ZMYND11: variants seen among roughly 807,000 people sequenced by gnomAD.
ZMYND11 encodes the protein zinc finger MYND-type containing 11.
Under a neutral mutation model 84.9 loss-of-function variants are expected in ZMYND11, and 9 were observed. The observed-to-expected ratio is 0.11, with a 90% CI of 0.06 to 0.18. The LOEUF (loss-of-function observed/expected upper bound fraction) is 0.18. Among genes scored for constraint, ZMYND11 ranks in the 10% least tolerant of loss-of-function variants. ZMYND11 has a pLI of 1.00. For synonymous variants in ZMYND11, 250 were observed against 244.1 expected (o/e 1.02, Z -0.23); for missense variants, 409 against 761.0 (o/e 0.54, Z 5.44).
At chr10:198,053 TTAA>T (rs1268614353) in intron 2 of ZMYND11, 6 of 550,020 alleles carry the variant, frequency 1.1e-5, no homozygotes, top group Non-Finnish European at 2.0e-5. Context: ...TAGGTCTAAT[TTAA>T]TAATGTAAAA....
Position 144,138 on chromosome 10 carries a change from A to G in ZMYND11, c.-20+8579A>G, listed in dbSNP as rs1285707337. 2.0e-5 allele frequency among the ~76,000 whole-genome samples: 3 copies of G among 152,220 alleles called. 1 individual carries two copies. On this transcript the variant is annotated intron_variant, in intron 1 of 14. Coordinates refer to ENST00000381604, the MANE Select transcript of ZMYND11 (RefSeq NM_001370100.5). ...TAAAAGCTGAACAGCCAGCAGTACA[A>G]TTTAAAGTTAGACTTTCTCTCTGCT...
chr10:238,519 C>T (rs1019455153), intron 6 of ZMYND11, among the ~76,000 whole-genome samples: 5 of 152,028 alleles, frequency 3.3e-5, no homozygotes, highest in African/African-American at 7.2e-5. Context: ...ACCACGCCCA[C>T]CTAATTTTTT....
chr10:178,478 C>T (rs1162453256), intron 1 of ZMYND11, among the ~76,000 whole-genome samples: 5 of 152,144 alleles, frequency 3.3e-5, no homozygotes, highest in Non-Finnish European at 7.4e-5. Context: ...TCCATTAAGG[C>T]ATATTGGATT....
intron 14 of ZMYND11, chr10:249,893 T>C: frequency 1.8e-6 from 1 of 567,868 alleles, no homozygotes; most frequent in Non-Finnish European, 2.2e-6. Context: ...AGAAGGAAAA[T>C]GGAAACTTCG....
intron 4 of ZMYND11, among the ~76,000 whole-genome samples, chr10:230,054 A>G (rs12360337): frequency 0.25 from 38,665 of 152,156 alleles, 6,050 homozygotes; most frequent in Non-Finnish European, 0.36. Flanking sequence ...TGCTATTACA[A>G]TTATAGAGGA....
chr10:158,449 C>T (rs538654918), intron 1 of ZMYND11, among the ~76,000 whole-genome samples: 20 of 148,504 alleles, frequency 1.3e-4, no homozygotes, highest in African/African-American at 4.0e-4. Context: ...CACAGGGTCT[C>T]GCTGTGTCAC....
rs185356505 is a variant in ZMYND11, at chr10:214,648, C to T, written c.276+4600C>T. On this transcript the variant is annotated intron_variant, in intron 3 of 14. Coordinates refer to ENST00000381604, the MANE Select transcript of ZMYND11 (RefSeq NM_001370100.5). ...TGAAATTTTGTGATATCTGGTCATT[C>T]AATGTTTTGTTATTTCAAGACTTTT... Among the ~76,000 whole-genome samples the T allele has an allele frequency of 3.0e-3, 456 of 152,292 alleles. No individual in the cohort carries two copies. The Middle Eastern group carries it at 0.031, about 10-fold the overall frequency.
chr10:134,731 A>G (rs562398904), upstream of ZMYND11: 3 of 152,562 alleles, frequency 2.0e-5, no homozygotes, highest in South Asian at 6.2e-4. Flanking sequence ...GGCGCCTGAC[A>G]ATGCCCCCTC....
chr10:230,137 T>C (rs1486090008), intron 4 of ZMYND11, among the ~76,000 whole-genome samples: 2 of 152,046 alleles, frequency 1.3e-5, no homozygotes, highest in Non-Finnish European at 2.9e-5. Context: ...CCAAATAAGA[T>C]CTAGAGGCCA....
intron 4 of ZMYND11, among the ~76,000 whole-genome samples, chr10:234,211 A>C (rs1949510964): frequency 6.6e-6 from 1 of 152,260 alleles, no homozygotes. Flanking sequence ...GTGAAAGCGC[A>C]GAAAGGAAAC....
intron 4 of ZMYND11, among the ~76,000 whole-genome samples, chr10:235,009 T>TGTGTGTGTGTGA (rs1214254104): frequency 4.6e-5 from 7 of 151,550 alleles, no homozygotes; most frequent in South Asian, 2.1e-4. Flanking sequence ...TGTGTGTGTG[T>TGTGTGTGTGTGA]GAAAAGCACT....
chr10:146,362 TG>T (rs1838838397), intron 1 of ZMYND11, among the ~76,000 whole-genome samples: 1 of 152,242 alleles, frequency 6.6e-6, no homozygotes, highest in African/African-American at 2.4e-5. Context: ...AGCCATTTTT[TG>T]ATTCCATAAG....
At chr10:241,595 G>A (rs1564449041) in intron 9 of ZMYND11, among the ~76,000 whole-genome samples, 1 of 152,200 alleles carries the variant, frequency 6.6e-6, no homozygotes, top group African/African-American at 2.4e-5. Flanking sequence ...GCTTCAAACC[G>A]TGCACTGACA....
intron 14 of ZMYND11, among the ~76,000 whole-genome samples, chr10:250,037 T>G (rs985353831): frequency 6.6e-6 from 1 of 152,182 alleles, no homozygotes; most frequent in Non-Finnish European, 1.5e-5. Context: ...ACATTGGGTG[T>G]TATAGCCTTC....
At chr10:229,451 G>GT (rs1037586556) in intron 4 of ZMYND11, among the ~76,000 whole-genome samples, 3 of 151,928 alleles carry the variant, frequency 2.0e-5, no homozygotes, top group African/African-American at 4.8e-5. Context: ...ACTACTCTCA[G>GT]TTTTTTTACC....
intron 1 of ZMYND11, among the ~76,000 whole-genome samples, chr10:161,301 G>A (rs1842901543): frequency 6.6e-6 from 1 of 152,170 alleles, no homozygotes; most frequent in Non-Finnish European, 1.5e-5. Flanking sequence ...TCAACAGTGA[G>A]ATTAAAATAT....
chr10:245,952 C>T (rs1952044337), intron 10 of ZMYND11, among the ~76,000 whole-genome samples: 1 of 152,184 alleles, frequency 6.6e-6, no homozygotes, highest in Non-Finnish European at 1.5e-5. Context: ...GGCAATGAAA[C>T]TCAAGATCAC....
upstream of ZMYND11, among the ~76,000 whole-genome samples, chr10:132,911 A>C (rs1554750193): frequency 6.6e-6 from 1 of 152,218 alleles, no homozygotes. Flanking sequence ...AAAAAGGAGA[A>C]TCAAGAAGTA....
intron 8 of ZMYND11, 114 bp downstream of exon 8, chr10:240,225 G>A (rs1950642912): frequency 1.1e-6 from 1 of 947,220 alleles, no homozygotes; most frequent in Non-Finnish European, 1.5e-6. Context: ...GTCTTTTATT[G>A]CCGGGCGTGG....
Sources: gnomAD v4.1 joint callset for allele counts (sites outside exome capture counted in the v4.1 genomes callset) on GRCh38, gnomAD v4.1.1 for gene constraint, MANE v1.5 for transcripts, NCBI Gene and HGNC (gene_info 2026-07-23, HGNC 2026-07-21) for gene names.